The following NRXN1 variants were observed in gnomAD, a reference collection of about 807,000 sequenced individuals.
NRXN1 encodes neurexin-1.
In NRXN1, 39 loss-of-function variants were observed where a neutral mutation model predicts 150.9. The observed-to-expected ratio is 0.26, with a 90% CI of 0.20 to 0.34. The LOEUF is 0.34. Among genes scored for constraint, NRXN1 ranks in the 10% least tolerant of loss-of-function variants. NRXN1 has a pLI of 1.00. For synonymous variants in NRXN1, 924 were observed against 757.0 expected (o/e 1.22, Z -3.62); for missense variants, 1,815 against 1,949.9 (o/e 0.93, Z 1.30).
intron 10 of NRXN1, among the ~76,000 whole-genome samples, chr2:50,537,182 C>T (rs920850618): frequency 6.6e-6 from 1 of 151,976 alleles, no homozygotes; most frequent in Non-Finnish European, 1.5e-5. Flanking sequence ...CTGAACTGAA[C>T]TATTTCAGGA....
chr2:50,737,150 T>G (rs1698860903), intron 5 of NRXN1, among the ~76,000 whole-genome samples: 1 of 152,168 alleles, frequency 6.6e-6, no homozygotes, highest in Non-Finnish European at 1.5e-5. Flanking sequence ...TCCCAGCTAC[T>G]TGGGAGGCTG....
At chr2:50,352,772 A>C (rs1322053296) in intron 17 of NRXN1, among the ~76,000 whole-genome samples, 1 of 96,068 alleles carries the variant, frequency 1.0e-5, no homozygotes, top group Non-Finnish European at 2.2e-5. Context: ...AATAATAATA[A>C]TAATATTATA....
At chr2:50,766,209 A>G (rs1040975049) in intron 5 of NRXN1, among the ~76,000 whole-genome samples, 5 of 152,036 alleles carry the variant, frequency 3.3e-5, no homozygotes, top group African/African-American at 1.2e-4. Flanking sequence ...CCATCAGAGG[A>G]ACAGGAATGG....
chr2:50,198,322 C>A (rs78412612), intron 18 of NRXN1, among the ~76,000 whole-genome samples: 513 of 152,116 alleles, frequency 3.4e-3, no homozygotes, highest in African/African-American at 0.012. Context: ...ATGAGTGAGG[C>A]ACCAGGGGAA....
At chr2:50,342,438 C>A (rs1350917589) in intron 17 of NRXN1, among the ~76,000 whole-genome samples, 3 of 152,202 alleles carry the variant, frequency 2.0e-5, no homozygotes, top group Non-Finnish European at 2.9e-5. Context: ...TCATTACCAG[C>A]TAATTAATAT....
At chr2:50,355,748 T>C in intron 17 of NRXN1, among the ~76,000 whole-genome samples, 1 of 152,230 alleles carries the variant, frequency 6.6e-6, no homozygotes, top group Non-Finnish European at 1.5e-5. Context: ...TACAAATACC[T>C]AAAAAAAGAG....
intron 5 of NRXN1, among the ~76,000 whole-genome samples, chr2:50,879,359 T>C (rs529907665): frequency 1.1e-4 from 17 of 152,094 alleles, no homozygotes; most frequent in Non-Finnish European, 2.2e-4. Flanking sequence ...TATAGATTGC[T>C]TATTTGCAGT....
Position 50,528,639 on chromosome 2 carries a change from A to G in NRXN1, c.2360T>C (p.Ile787Thr). The G allele has an allele frequency of 6.5e-7, 1 of 1,550,164 alleles. No individual in the cohort carries two copies. The highest frequency in any genetic ancestry group is 2.3e-5 in the East Asian group (1 of 44,112). The part of the protein sequence containing the change: ...KLTVNLDCIR[I>T]NCNSSKGPET... ...TAGGCACTTACTGGAATTACAGTTA[A>G]TCCTGATACAATCTAGATGGGGAAG... Residue 787 changes from isoleucine to threonine, a missense_variant, in exon 12 of 23, where the codon ATT becomes ACT. Coordinates refer to ENST00000401669, the MANE Select transcript of NRXN1 (RefSeq NM_001330078.2).
chr2:50,218,592 T>C (rs570799348), intron 18 of NRXN1, among the ~76,000 whole-genome samples: 8 of 151,986 alleles, frequency 5.3e-5, no homozygotes, highest in Non-Finnish European at 8.8e-5. Context: ...ACCCACGGTT[T>C]TGGAGAAAAA....
rs368421946 is a variant in NRXN1 at position 50,944,297 on chromosome 2, A to C, written c.773-18342T>G. On this transcript the variant is annotated intron_variant, in intron 2 of 22. Coordinates refer to ENST00000401669, the MANE Select transcript of NRXN1 (RefSeq NM_001330078.2). ...TGGGTATAACTCTCCTGGTGAAGAAATTCACAGCTAAGCAGGAAACTCGGG... is the reference window on the plus strand; with the variant it reads ...TGGGTATAACTCTCCTGGTGAAGAACTTCACAGCTAAGCAGGAAACTCGGG... Among the ~76,000 whole-genome samples the C allele has an allele frequency of 9.2e-5, 14 of 152,284 alleles. No individual in the cohort carries two copies. The East Asian group carries it at 1.2e-3, about 13-fold the overall frequency.
chr2:50,128,316 C>A (rs1235973165), intron 18 of NRXN1, among the ~76,000 whole-genome samples: 1 of 152,154 alleles, frequency 6.6e-6, no homozygotes, highest in Non-Finnish European at 1.5e-5. Context: ...TCCCTTCGAA[C>A]CAACTTTTCT....
intron 15 of NRXN1, among the ~76,000 whole-genome samples, chr2:50,489,937 AG>A (rs1452164278): frequency 6.6e-6 from 1 of 151,110 alleles, no homozygotes; most frequent in East Asian, 1.9e-4. Context: ...CGCCTCCTTA[AG>A]GTAGGATTAA....
chr2:50,765,181 G>A (rs940994123), intron 5 of NRXN1, among the ~76,000 whole-genome samples: 1 of 151,944 alleles, frequency 6.6e-6, no homozygotes, highest in African/African-American at 2.4e-5. Flanking sequence ...TAATGTGAAG[G>A]GGGAAAACCT....
At chr2:51,023,608 CCA>C (rs1575259377) in intron 2 of NRXN1, among the ~76,000 whole-genome samples, 1 of 152,176 alleles carries the variant, frequency 6.6e-6, no homozygotes, top group East Asian at 1.9e-4. Context: ...AAAATACATA[CCA>C]CAGTTTTAAG....
At chr2:50,575,963 T>C (rs1297772257) in intron 8 of NRXN1, among the ~76,000 whole-genome samples, 3 of 152,126 alleles carry the variant, frequency 2.0e-5, no homozygotes, top group Admixed American at 1.3e-4. Context: ...TGTTCTAACC[T>C]CTAGACCTTG....
intron 18 of NRXN1, among the ~76,000 whole-genome samples, chr2:50,093,314 T>A (rs941795653): frequency 6.6e-6 from 1 of 152,054 alleles, no homozygotes; most frequent in Non-Finnish European, 1.5e-5. Context: ...CTAAAGTCTC[T>A]GCAGCTATTA....
chr2:50,705,127 A>T (rs1486459600), intron 5 of NRXN1, among the ~76,000 whole-genome samples: 1 of 151,886 alleles, frequency 6.6e-6, no homozygotes, highest in Non-Finnish European at 1.5e-5. Context: ...GTAACTCAGA[A>T]CTGAATTAAT....
Position 50,238,854 on chromosome 2 carries a change from T to C in NRXN1, c.3365-1884A>G, listed in dbSNP as rs186039190. ...TTCCAAGAAACATGTTAGGAGAAAA[T>C]TGAATGCAAAAGTGATAAACATGAA... On this transcript the variant is annotated intron_variant, in intron 17 of 22. Coordinates refer to ENST00000401669, the MANE Select transcript of NRXN1 (RefSeq NM_001330078.2). Among the ~76,000 whole-genome samples the C allele has an allele frequency of 7.9e-5, 12 of 151,992 alleles. No individual in the cohort carries two copies. In the East Asian group the frequency reaches 1.2e-3, roughly 15 times the overall value.
chr2:50,541,256 T>C (rs2093382725), intron 9 of NRXN1, among the ~76,000 whole-genome samples: 1 of 152,182 alleles, frequency 6.6e-6, no homozygotes, highest in East Asian at 1.9e-4. Context: ...TGGGAAAGGC[T>C]GTACTGTCCT....
Sources: allele counts gnomAD v4.1 joint callset (sites outside exome capture counted in the v4.1 genomes callset), GRCh38; gene constraint gnomAD v4.1.1; transcripts MANE v1.5; gene names NCBI Gene and HGNC (gene_info 2026-07-23, HGNC 2026-07-21).